ING1: variants seen among roughly 807,000 people sequenced by gnomAD.
ING1 encodes inhibitor of growth protein 1.
Under a neutral mutation model 23.1 loss-of-function variants are expected in ING1, and 4 were observed. The observed-to-expected ratio is 0.17, with a 90% confidence interval of 0.09 to 0.40. The LOEUF (loss-of-function observed/expected upper bound fraction) is 0.40, where lower values mean the gene tolerates loss of function less well. ING1 is among the 10% of genes least tolerant of loss of function. The pLI is 1.00. For missense variants in ING1, 256 were observed against 393.8 expected (o/e 0.65, Z 2.96); for synonymous variants, 179 against 166.4 (o/e 1.08, Z -0.58).
Position 110,715,359 on chromosome 13 carries a change from A to T in ING1, c.136+1074A>T, listed in dbSNP as rs947801996. ...AAGGCGCCCCTGCGCGTTCTATCCG[A>T]GACGTAGCTTCGCAGCGAATTTTAT... On this transcript the variant is annotated intron_variant, in intron 1 of 1. Transcript: ENST00000333219. 15 of 1,488,392 alleles carry T rather than the reference A, an allele frequency of 1.0e-5. No individual in the cohort carries two copies. The African/African-American group carries it at 2.0e-4, about 20-fold the overall frequency. 92.2% of individuals were successfully genotyped at this position (1,488,392 alleles called of 1,614,324 possible).
rs996700368 is a variant in ING1 at position 110,722,999 on chromosome 13, G to C, written c.*3067G>C. 3.9e-5 allele frequency: 6 copies of C among 152,194 alleles called. No individual in the cohort carries two copies. Among genetic ancestry groups the C allele is most frequent in the African/African-American group, 9.7e-5 (4 of 41,446 alleles). The allele number at this position is 152,194 out of a possible 1,614,324, so 9.4% of individuals were successfully genotyped here. A position where few individuals can be genotyped will look rare whatever the true frequency, so the allele number is the denominator to read the frequency against. ...AATATAGAACAGTTGCTTTTACTTA[G>C]ATGTTCAATGCATATTTGTTGTATA... On this transcript the variant is annotated 3_prime_UTR_variant, in exon 2 of 2. Transcript: ENST00000333219.
chr13:110,715,564 T>C (rs201726807), intron 1 of ING1: 1 of 1,613,984 alleles, frequency 6.2e-7, no homozygotes, highest in African/African-American at 1.3e-5. Context: ...TCTTTTTTCT[T>C]TTTCGGGGAG....
At chr13:110,715,280 G>A in intron 1 of ING1, 1 of 1,384,296 alleles carries the variant, frequency 7.2e-7, no homozygotes, top group East Asian at 2.6e-5. Flanking sequence ...GTTGGGTGGG[G>A]GCAAAAAAAA....
Position 110,719,506 on chromosome 13 carries a change from G to A in ING1, c.414G>A (p.Ala138=), listed in dbSNP as rs1397561064. The change falls in exon 2 of 2, where the codon GCG becomes GCA. Residue 138 remains alanine, a synonymous_variant. Coordinates refer to ENST00000333219, the MANE Select transcript of ING1 (RefSeq NM_198219.3). This position sits in a 1 kb window ranked among gnomAD's most constrained non-coding sequence, Gnocchi z 8.9. ...GCGCGGACAGGCCCAAAGGCGAGGC[G>A]GCAGCGCAGGCTGACAAGCCCAACA... ...KAGADRPKGE[A]AAQADKPNSK... 16 of 1,611,550 alleles carry A rather than the reference G, an allele frequency of 9.9e-6. No individual in the cohort carries two copies. Among genetic ancestry groups the A allele is most frequent in the African/African-American group, 1.3e-5 (1 of 74,932 alleles).
upstream of ING1, chr13:110,712,824 C>G (rs72663414): frequency 8.4e-3 from 7,466 of 887,932 alleles, 28 homozygotes; most frequent in Non-Finnish European, 0.012. Context: ...TTCTGGGGCT[C>G]GGCACTAGGA....
chr13:110,715,585 G>C, intron 1 of ING1: 1 of 1,614,058 alleles, frequency 6.2e-7, no homozygotes, highest in Non-Finnish European at 8.5e-7. Context: ...GAGCGGGGTG[G>C]AGGGTGGACG....
chr13:110,718,725 ATT>A (rs1362937950), intron 1 of ING1, among the ~76,000 whole-genome samples: 2 of 151,848 alleles, frequency 1.3e-5, no homozygotes, highest in East Asian at 3.9e-4. Flanking sequence ...TTTATAATAT[ATT>A]TTATTAATGT....
At chr13:110,713,275 G>C, upstream of ING1, 2 of 1,303,906 alleles carry the variant, frequency 1.5e-6, no homozygotes, top group Non-Finnish European at 2.0e-6. Flanking sequence ...CAGGGGCTGA[G>C]GAGCGAGTTG....
At chr13:110,718,221 G>C (rs983557959) in intron 1 of ING1, among the ~76,000 whole-genome samples, 1 of 152,142 alleles carries the variant, frequency 6.6e-6, no homozygotes, top group Admixed American at 6.5e-5. Context: ...TACCAGCTTC[G>C]CTTTAAAGCA....
Position 110,721,579 on chromosome 13 carries a change from T to A in ING1, c.*1647T>A, listed in dbSNP as rs548246466. ...GCCCGGCTGGAGTTTTCATTTTTTT[T>A]TTTTTTTTTTTTTCTGAGATGGAGT... On this transcript the variant is annotated 3_prime_UTR_variant, in exon 2 of 2. Transcript: ENST00000333219. 6.7e-6 allele frequency: 1 copy of A among 148,856 alleles called. No homozygotes were observed. Among genetic ancestry groups the A allele is most frequent in the East Asian group, 2.0e-4 (1 of 5,104 alleles). The allele number at this position is 148,856 out of a possible 1,614,324, so 9.2% of individuals were successfully genotyped here. A position where few individuals can be genotyped will look rare whatever the true frequency, so the allele number is the denominator to read the frequency against.
At chr13:110,717,223 A>G (rs757945433) in intron 1 of ING1, among the ~76,000 whole-genome samples, 3 of 152,220 alleles carry the variant, frequency 2.0e-5, no homozygotes, top group Non-Finnish European at 2.9e-5. Context: ...AGTTGAATAA[A>G]TTGGTATTAC....
In ING1 at chr13:110,721,519, TC is replaced by T. The variant is rs2064171876; in HGVS notation, c.*1589del. ...TCAGGTGATCCACCTGCCTCAGCCTTCCAAAGTGCTGGGATTACAGGTGTGA... is the reference window on the plus strand; with the variant it reads ...TCAGGTGATCCACCTGCCTCAGCCTTCAAAGTGCTGGGATTACAGGTGTGA... On this transcript the variant is annotated 3_prime_UTR_variant, in exon 2 of 2. Transcript: ENST00000333219. 6.6e-6 allele frequency: 1 copy of T among 151,696 alleles called. No homozygotes were observed. Among genetic ancestry groups the T allele is most frequent in the African/African-American group, 2.4e-5 (1 of 41,206 alleles). The allele number at this position is 151,696 out of a possible 1,614,324, so 9.4% of individuals were successfully genotyped here.
In ING1 at chr13:110,719,099, G is replaced by A; in HGVS notation, c.137-130G>A. The A allele has an allele frequency of 1.3e-6, 1 of 757,618 alleles. No individual in the cohort carries two copies. The highest frequency in any genetic ancestry group is 2.1e-6 in the Non-Finnish European group (1 of 472,224). The allele number at this position is 757,618 out of a possible 1,614,324, so 46.9% of individuals were successfully genotyped here. On this transcript the variant is annotated intron_variant, in intron 1 of 1. Transcript: ENST00000333219. This position sits in a 1 kb window ranked among gnomAD's most constrained non-coding sequence, Gnocchi z 8.9. Reference sequence around the variant, plus strand: ...GGCCCGGGAGAGCCTGTGGCTGGTGGGCTTTGTTCTGGGCAAGCCGTGCGC... The same window carrying A: ...GGCCCGGGAGAGCCTGTGGCTGGTGAGCTTTGTTCTGGGCAAGCCGTGCGC...
At chr13:110,716,008 CGTGA>C (rs746758701) in intron 1 of ING1, 2 of 1,501,810 alleles carry the variant, frequency 1.3e-6, no homozygotes, top group Admixed American at 4.5e-5. Context: ...GCCGTGGAAA[CGTGA>C]GTGACTGGGG....
chr13:110,716,266 G>T (rs1043354803), intron 1 of ING1, among the ~76,000 whole-genome samples: 34 of 152,186 alleles, frequency 2.2e-4, no homozygotes, highest in African/African-American at 4.8e-4. Context: ...AGCCTGGCTT[G>T]CTGCTTGCTT....
intron 1 of ING1, among the ~76,000 whole-genome samples, chr13:110,718,203 G>A (rs2064140251): frequency 6.6e-6 from 1 of 152,196 alleles, no homozygotes; most frequent in South Asian, 2.1e-4. Flanking sequence ...AGATGCAAAA[G>A]TAAAACCTAC....
chr13:110,720,953 T>C lies in ING1; in HGVS notation c.*1021T>C, dbSNP rs2064167420. 1 of 167,100 alleles carries C rather than the reference T, an allele frequency of 6.0e-6. No individual in the cohort carries two copies. The allele number at this position is 167,100 out of a possible 1,614,324, so 10.4% of individuals were successfully genotyped here. A position where few individuals can be genotyped will look rare whatever the true frequency, so the allele number is the denominator to read the frequency against. ...CAAATAAATACGTGTCAAAAAAGAATCTGTATTCAGACCCTGGGTCAGGAA... is the reference window on the plus strand; with the variant it reads ...CAAATAAATACGTGTCAAAAAAGAACCTGTATTCAGACCCTGGGTCAGGAA... On this transcript the variant is annotated 3_prime_UTR_variant, in exon 2 of 2. Coordinates refer to ENST00000333219, the MANE Select transcript of ING1 (RefSeq NM_198219.3).
chr13:110,720,052 A>C lies in ING1; in HGVS notation c.*120A>C. ...ATTTTTAAAGAATGTTAGTAAAGGA[A>C]CCATTCCTTTCATAGGGATGGCAGT... is the stretch of plus-strand genomic sequence containing the variant. On this transcript the variant is annotated 3_prime_UTR_variant, in exon 2 of 2. Transcript: ENST00000333219. 2 of 746,292 alleles carry C rather than the reference A, an allele frequency of 2.7e-6. No homozygotes were observed. The highest frequency in any genetic ancestry group is 2.1e-6 in the Non-Finnish European group (1 of 479,434). 46.2% of individuals were successfully genotyped at this position (746,292 alleles called of 1,614,324 possible).
At chr13:110,715,924 CCG>C in intron 1 of ING1, 1 of 1,567,042 alleles carries the variant, frequency 6.4e-7, no homozygotes, top group Non-Finnish European at 8.6e-7. Flanking sequence ...GGACCGCCTC[CCG>C]CGACCCGCGG....
Sources: gnomAD v4.1 joint callset for allele counts (sites outside exome capture counted in the v4.1 genomes callset) on GRCh38, gnomAD v4.1.1 for gene constraint, Gnocchi (gnomAD v3.1) non-coding constraint, MANE v1.5 for transcripts, NCBI Gene and HGNC (gene_info 2026-07-23, HGNC 2026-07-21) for gene names.